RGS7: variants seen among roughly 807,000 people sequenced by gnomAD.
The protein encoded by RGS7 is regulator of G-protein signaling 7.
A neutral mutation model predicts 81.1 loss-of-function variants in RGS7; 27 were observed. The observed-to-expected ratio is 0.33, with a 90% CI of 0.25 to 0.46. The LOEUF is 0.46. Ranked by LOEUF, RGS7 falls within the 20% of genes least tolerant of loss-of-function variation. The pLI is 1.00. For synonymous variants in RGS7, 208 were observed against 207.7 expected, an observed-to-expected ratio of 1.00 and a Z score of -0.01; for missense variants, 396 against 607.4, an observed-to-expected ratio of 0.65 and a Z score of 3.66.
At chr1:240,804,168 A>G (rs548374472) in intron 15 of RGS7, among the ~76,000 whole-genome samples, 2 of 152,260 alleles carry the variant, frequency 1.3e-5, no homozygotes, top group East Asian at 3.9e-4. Flanking sequence ...CTGATCCTTA[A>G]TTTTCTCATC....
At chr1:241,262,036 T>G (rs755587639) in intron 2 of RGS7, among the ~76,000 whole-genome samples, 12 of 152,110 alleles carry the variant, frequency 7.9e-5, no homozygotes, top group Non-Finnish European at 1.6e-4. Flanking sequence ...TGAAATGAAA[T>G]TTTTATCAAC....
chr1:240,877,955 T>A (rs962753896), intron 6 of RGS7, among the ~76,000 whole-genome samples: 1 of 152,298 alleles, frequency 6.6e-6, no homozygotes, highest in African/African-American at 2.4e-5. Context: ...AGATAGTCAG[T>A]GTACTCAAAA....
intron 2 of RGS7, among the ~76,000 whole-genome samples, chr1:241,318,727 C>T (rs1378266549): frequency 6.6e-6 from 1 of 152,298 alleles, no homozygotes; most frequent in African/African-American, 2.4e-5. Flanking sequence ...CCACCTGCCT[C>T]GGCTTCCCAA....
At chr1:240,880,619 G>T (rs976894656) in intron 6 of RGS7, among the ~76,000 whole-genome samples, 3 of 152,062 alleles carry the variant, frequency 2.0e-5, no homozygotes, top group Non-Finnish European at 4.4e-5. Context: ...CTGGTGCCAC[G>T]CTCATGCCTA....
At chr1:240,919,886 G>T in intron 6 of RGS7, 4 of 1,023,598 alleles carry the variant, frequency 3.9e-6, no homozygotes, top group Non-Finnish European at 6.1e-6. Context: ...CACACAAGGT[G>T]GATGGGAGAG....
intron 3 of RGS7, among the ~76,000 whole-genome samples, chr1:241,091,233 GA>G (rs1010158804): frequency 2.0e-5 from 3 of 151,736 alleles, no homozygotes; most frequent in African/African-American, 7.3e-5. Context: ...CCAAAGTAAA[GA>G]AAAAAAACAG....
chr1:241,329,566 T>C (rs1189453612), intron 2 of RGS7, among the ~76,000 whole-genome samples: 1 of 152,196 alleles, frequency 6.6e-6, no homozygotes, highest in Non-Finnish European at 1.5e-5. Context: ...AATGAAGCGC[T>C]AATCCTCTAC....
At chr1:240,909,931 T>C (rs1671460224) in intron 6 of RGS7, among the ~76,000 whole-genome samples, 1 of 152,098 alleles carries the variant, frequency 6.6e-6, no homozygotes, top group Non-Finnish European at 1.5e-5. Context: ...GCCACCTGGG[T>C]TTAGTTCGGT....
intron 9 of RGS7, among the ~76,000 whole-genome samples, chr1:240,856,427 T>C (rs1050225559): frequency 1.3e-5 from 2 of 152,230 alleles, no homozygotes; most frequent in Admixed American, 1.3e-4. Context: ...TGGGAAACTA[T>C]AAATGTTGGT....
At chr1:241,249,141 T>C (rs999781579) in intron 2 of RGS7, among the ~76,000 whole-genome samples, 2 of 152,176 alleles carry the variant, frequency 1.3e-5, no homozygotes, top group African/African-American at 4.8e-5. Flanking sequence ...CTTATTGATT[T>C]TTTTTGGTTT....
chr1:240,821,539 C>G (rs969010547), intron 10 of RGS7, among the ~76,000 whole-genome samples: 12 of 152,224 alleles, frequency 7.9e-5, no homozygotes, highest in Non-Finnish European at 1.3e-4. Context: ...ACTTGACACA[C>G]TTTTGTGTTG....
chr1:241,315,422 A>T (rs937686201), intron 2 of RGS7, among the ~76,000 whole-genome samples: 17 of 152,100 alleles, frequency 1.1e-4, no homozygotes, highest in Admixed American at 6.6e-4. Flanking sequence ...AAATACATTT[A>T]AAAAATTTGA....
chr1:241,144,072 T>G lies in RGS7; in HGVS notation c.79-45310A>C, dbSNP rs1435079540. ...CCCATGATATTTTCTTATAGCCGCCTGAGTGGACTAAGGCAGTAATGTAAA... is the reference window on the plus strand; with the variant it reads ...CCCATGATATTTTCTTATAGCCGCCGGAGTGGACTAAGGCAGTAATGTAAA... On this transcript the variant is annotated intron_variant, in intron 2 of 18. Transcript: ENST00000440928. This position sits in a 1 kb window ranked among gnomAD's most constrained non-coding sequence, Gnocchi z 4.7. Among the ~76,000 whole-genome samples, 1 of 152,204 alleles carries G rather than the reference T, an allele frequency of 6.6e-6. No homozygotes were observed. The highest frequency in any genetic ancestry group is 2.4e-5 in the African/African-American group (1 of 41,458).
chr1:241,306,512 A>C (rs2080157433), intron 2 of RGS7, among the ~76,000 whole-genome samples: 2 of 150,406 alleles, frequency 1.3e-5, no homozygotes, highest in African/African-American at 4.9e-5. Context: ...ACACCCTCAC[A>C]TGGCCATGTA....
intron 2 of RGS7, among the ~76,000 whole-genome samples, chr1:241,153,786 G>C (rs77199458): frequency 0.021 from 3,181 of 152,326 alleles, 50 homozygotes; most frequent in Non-Finnish European, 0.031. Context: ...GCTGTTGATT[G>C]GTCTCTTCAA....
intron 2 of RGS7, among the ~76,000 whole-genome samples, chr1:241,252,925 C>T (rs143075890): frequency 2.6e-5 from 4 of 152,298 alleles, no homozygotes; most frequent in African/African-American, 7.2e-5. Context: ...TGCTGTCTTG[C>T]TGAGAAGTTA....
At chr1:241,273,175 A>ACC (rs56000973) in intron 2 of RGS7, among the ~76,000 whole-genome samples, 9,869 of 104,676 alleles carry the variant, frequency 0.094, 518 homozygotes, top group Non-Finnish European at 0.11. Context: ...ATAATAATGA[A>ACC]CCCCCCCCCC....
intron 2 of RGS7, among the ~76,000 whole-genome samples, chr1:241,299,691 T>C (rs1020966344): frequency 6.6e-6 from 1 of 152,032 alleles, no homozygotes; most frequent in East Asian, 1.9e-4. Flanking sequence ...TATGCTTCTA[T>C]TTGCAAATCA....
At chr1:240,784,117 G>A (rs1684619891) in intron 18 of RGS7, among the ~76,000 whole-genome samples, 1 of 151,362 alleles carries the variant, frequency 6.6e-6, no homozygotes, top group Admixed American at 6.6e-5. Context: ...AACCCGGGAG[G>A]TGGAGGTTGC....
Sources: gnomAD v4.1 joint callset for allele counts (sites outside exome capture counted in the v4.1 genomes callset) on GRCh38, gnomAD v4.1.1 for gene constraint, Gnocchi (gnomAD v3.1) non-coding constraint, MANE v1.5 for transcripts, NCBI Gene and HGNC (gene_info 2026-07-23, HGNC 2026-07-21) for gene names.